DLG2: variants seen among roughly 807,000 people sequenced by gnomAD.
DLG2 encodes disks large homolog 2.
A neutral mutation model predicts 132.5 loss-of-function variants in DLG2; 45 were observed. That is an observed-to-expected ratio of 0.34 (90% CI 0.27 to 0.44). The LOEUF (loss-of-function observed/expected upper bound fraction) is 0.44. Ranked by LOEUF, DLG2 falls within the 20% of genes least tolerant of loss-of-function variation. The pLI is 1.00. For synonymous variants in DLG2, 424 were observed against 419.6 expected (o/e 1.01, Z -0.13); for missense variants, 1,045 against 1,196.9 (o/e 0.87, Z 1.87).
At chr11:83,605,003 A>AAG (rs1468336370) in intron 19 of DLG2, among the ~76,000 whole-genome samples, 43 of 80,004 alleles carry the variant, frequency 5.4e-4, no homozygotes, top group African/African-American at 2.7e-3. Flanking sequence ...CCAGTTTTCA[A>AAG]AGACAGAGAG....
chr11:85,539,236 T>C (rs1555177104), intron 3 of DLG2, among the ~76,000 whole-genome samples: 1 of 149,932 alleles, frequency 6.7e-6, no homozygotes, highest in Non-Finnish European at 1.5e-5. Flanking sequence ...CTTAGACTGC[T>C]CGGTCATCCT....
intron 6 of DLG2, among the ~76,000 whole-genome samples, chr11:84,587,035 C>T (rs971428476): frequency 2.6e-5 from 4 of 152,142 alleles, no homozygotes; most frequent in Non-Finnish European, 4.4e-5. Context: ...ACTTTAACCT[C>T]CTAATATCTT....
chr11:84,233,143 G>A (rs1207790580), intron 8 of DLG2, among the ~76,000 whole-genome samples: 1 of 152,126 alleles, frequency 6.6e-6, no homozygotes, highest in East Asian at 1.9e-4. Context: ...AGTCAGACAT[G>A]AGCAGGGCAG....
chr11:85,203,054 TAATA>T (rs1565152310), intron 4 of DLG2, among the ~76,000 whole-genome samples: 2 of 150,476 alleles, frequency 1.3e-5, no homozygotes, highest in Non-Finnish European at 3.0e-5. Context: ...TATTATTTAA[TAATA>T]AATATCAGTT....
chr11:85,295,117 C>T (rs535803027), intron 3 of DLG2, among the ~76,000 whole-genome samples: 5 of 152,222 alleles, frequency 3.3e-5, no homozygotes, highest in Admixed American at 6.5e-5. Context: ...GTGTCTTATT[C>T]TATATCTAGG....
In DLG2 at chr11:85,111,690, G is replaced by C. The variant is rs201189173; in HGVS notation, c.328C>G (p.Pro110Ala). 1.2e-3 allele frequency: 1,837 copies of C among 1,566,172 alleles called. 3 individuals are homozygous for C. The highest frequency in any genetic ancestry group is 1.5e-3 in the Non-Finnish European group (1,717 of 1,154,572). The stretch of plus-strand genomic sequence containing the variant: ...CAGTGGTGGACAGGCATCCAAGCAG[G>C]GGCTTCCACTGAACAATTCTGGGCT... ...CPAQNCSVEA[P>A]AWMPVHHCTK... The change falls in exon 6 of 28, where the codon CCT (proline) becomes GCT (alanine). Residue 110 changes from proline to alanine, a missense_variant. Around this residue, in one of 4 missense-constraint regions of DLG2, gnomAD observed 277 missense variants for 238.2 expected, o/e 1.16. Transcript: ENST00000376104.
intron 20 of DLG2, among the ~76,000 whole-genome samples, chr11:83,537,404 CAGGCTTGCT>C (rs978095383): frequency 6.6e-6 from 1 of 152,138 alleles, no homozygotes. Context: ...TTAGTGGCCA[CAGGCTTGCT>C]GTGACAGCTA....
chr11:84,728,230 C>T (rs1009892958), intron 6 of DLG2, among the ~76,000 whole-genome samples: 22 of 152,244 alleles, frequency 1.4e-4, no homozygotes, highest in African/African-American at 5.3e-4. Flanking sequence ...GTGGGTTTGT[C>T]ATAAATACCT....
At chr11:84,763,708 G>C (rs1005268877) in intron 6 of DLG2, among the ~76,000 whole-genome samples, 2 of 152,128 alleles carry the variant, frequency 1.3e-5, no homozygotes, top group Non-Finnish European at 2.9e-5. Context: ...CAAACATTCA[G>C]ATGAGTGCCA....
At chr11:84,605,541 T>C (rs2099583994) in intron 6 of DLG2, among the ~76,000 whole-genome samples, 1 of 150,052 alleles carries the variant, frequency 6.7e-6, no homozygotes, top group African/African-American at 2.5e-5. Flanking sequence ...CATCTTTGCA[T>C]ATAAGCATCC....
At chr11:84,485,969 G>T (rs924009620) in intron 7 of DLG2, among the ~76,000 whole-genome samples, 6 of 152,076 alleles carry the variant, frequency 3.9e-5, no homozygotes, top group African/African-American at 1.4e-4. Context: ...AAAACATGAG[G>T]TCTCCTTGAT....
At chr11:85,583,939 C>CA (rs1434210182) in intron 3 of DLG2, among the ~76,000 whole-genome samples, 8 of 152,178 alleles carry the variant, frequency 5.3e-5, no homozygotes, top group Non-Finnish European at 1.0e-4. Flanking sequence ...AGATGCTTCA[C>CA]AAGCTCTCAA....
At chr11:85,398,958 G>C (rs1476101783) in intron 3 of DLG2, among the ~76,000 whole-genome samples, 1 of 151,984 alleles carries the variant, frequency 6.6e-6, no homozygotes, top group African/African-American at 2.4e-5. Flanking sequence ...GGAAATAAAG[G>C]GTATTCAATT....
chr11:85,298,908 T>A (rs2152787510), intron 3 of DLG2, among the ~76,000 whole-genome samples: 1 of 152,272 alleles, frequency 6.6e-6, no homozygotes, highest in African/African-American at 2.4e-5. Flanking sequence ...TGTACTGTAC[T>A]TTCACATTTG....
At chr11:83,753,584 T>G (rs2093431937) in intron 18 of DLG2, among the ~76,000 whole-genome samples, 1 of 149,300 alleles carries the variant, frequency 6.7e-6, no homozygotes, top group Admixed American at 6.7e-5. Flanking sequence ...AAAATTAAAG[T>G]TTATTTAACT....
chr11:84,177,562 C>G (rs146260169), intron 8 of DLG2, among the ~76,000 whole-genome samples: 1 of 152,098 alleles, frequency 6.6e-6, no homozygotes, highest in Non-Finnish European at 1.5e-5. Flanking sequence ...CAATAAATTA[C>G]GATACTACTT....
intron 3 of DLG2, among the ~76,000 whole-genome samples, chr11:85,580,541 G>A (rs772298191): frequency 1.3e-5 from 2 of 152,216 alleles, no homozygotes; most frequent in Non-Finnish European, 2.9e-5. Context: ...TATGTGCTAG[G>A]CACAGTGAGA....
intron 7 of DLG2, among the ~76,000 whole-genome samples, chr11:84,444,950 G>A (rs908740592): frequency 1.3e-5 from 2 of 151,878 alleles, no homozygotes; most frequent in Non-Finnish European, 1.5e-5. Context: ...TTACAGGCAC[G>A]TGCCACCACG....
intron 10 of DLG2, among the ~76,000 whole-genome samples, chr11:84,090,719 A>G (rs1411925574): frequency 1.3e-5 from 2 of 152,344 alleles, no homozygotes; most frequent in African/African-American, 2.4e-5. Flanking sequence ...ACATGCATCA[A>G]AAGGTTTTAA....
Sources: allele counts gnomAD v4.1 joint callset (sites outside exome capture counted in the v4.1 genomes callset), GRCh38; gene constraint gnomAD v4.1.1; regional missense constraint gnomAD v4.1.1; transcripts MANE v1.5; gene names NCBI Gene and HGNC (gene_info 2026-07-23, HGNC 2026-07-21).